PLCL2: variants seen among roughly 807,000 people sequenced by gnomAD.
The protein encoded by PLCL2 is inactive phospholipase C-like protein 2.
A neutral mutation model predicts 79.6 loss-of-function variants in PLCL2; 4 were observed. The observed-to-expected ratio is 0.05, with a 90% CI of 0.02 to 0.11. The LOEUF (loss-of-function observed/expected upper bound fraction) is 0.11. Ranked by LOEUF, PLCL2 falls within the 10% of genes least tolerant of loss-of-function variation. The pLI, the probability that PLCL2 is intolerant of heterozygous loss-of-function variation, is 1.00. For synonymous variants in PLCL2, 484 were observed against 457.7 expected, an observed-to-expected ratio of 1.06 and a Z score of -0.73; for missense variants, 895 against 1,291.0, an observed-to-expected ratio of 0.69 and a Z score of 4.70.
intron 4 of PLCL2, among the ~76,000 whole-genome samples, chr3:17,049,025 A>T (rs989773628): frequency 6.6e-6 from 1 of 152,000 alleles, no homozygotes; most frequent in Non-Finnish European, 1.5e-5. Flanking sequence ...TTCTAAAAAA[A>T]AAGAAAAGAA....
chr3:16,952,833 T>C (rs2063666623), intron 1 of PLCL2, among the ~76,000 whole-genome samples: 1 of 152,078 alleles, frequency 6.6e-6, no homozygotes, highest in Non-Finnish European at 1.5e-5. Context: ...ATAATTTCTT[T>C]TGTCTAGCTT....
chr3:16,938,972 C>G (rs1048635058), intron 1 of PLCL2, among the ~76,000 whole-genome samples: 1 of 152,180 alleles, frequency 6.6e-6, no homozygotes, highest in Non-Finnish European at 1.5e-5. Context: ...AACTTAACAG[C>G]TAGCTGTGTA....
intron 2 of PLCL2, among the ~76,000 whole-genome samples, chr3:17,013,751 A>G (rs1050294865): frequency 1.4e-4 from 21 of 152,220 alleles, no homozygotes; most frequent in African/African-American, 4.6e-4. Flanking sequence ...CCAGGACCCA[A>G]GTGTGCCTGA....
intron 1 of PLCL2, among the ~76,000 whole-genome samples, chr3:16,982,164 T>C (rs184072419): frequency 5.8e-4 from 89 of 152,356 alleles, no homozygotes; most frequent in Middle Eastern, 3.4e-3. Flanking sequence ...GGAGACACTT[T>C]GTAAATATCT....
At chr3:17,057,697 A>G (rs1476675510) in intron 4 of PLCL2, among the ~76,000 whole-genome samples, 5 of 152,220 alleles carry the variant, frequency 3.3e-5, no homozygotes, top group Non-Finnish European at 5.9e-5. Context: ...AACACCCCAT[A>G]TAATTTACTT....
chr3:16,915,308 T>C (rs1696968036), intron 1 of PLCL2, among the ~76,000 whole-genome samples: 1 of 152,218 alleles, frequency 6.6e-6, no homozygotes, highest in Admixed American at 6.5e-5. Context: ...TATTTATTTA[T>C]TTACCTTGCA....
chr3:16,967,733 G>C (rs944658259), intron 1 of PLCL2, among the ~76,000 whole-genome samples: 6 of 151,948 alleles, frequency 3.9e-5, no homozygotes. Flanking sequence ...TCTTTTGATA[G>C]TTTCTTTTCC....
chr3:16,938,978 G>T (rs1447021279), intron 1 of PLCL2, among the ~76,000 whole-genome samples: 1 of 152,240 alleles, frequency 6.6e-6, no homozygotes, highest in South Asian at 2.1e-4. Flanking sequence ...ACAGCTAGCT[G>T]TGTAGTTTCC....
rs960903746 is a variant in PLCL2 at position 16,886,068 on chromosome 3, A to G, written c.327+702A>G. ...GCAGTTTGCTTGGTTTTGCTTGCAC[A>G]GTGTTAGCGGAAGAAAGCCAGCGAT... On this transcript the variant is annotated intron_variant, in intron 1 of 5. Transcript: ENST00000615277. This position sits in a 1 kb window ranked among gnomAD's most constrained non-coding sequence, Gnocchi z 4.2. Among the ~76,000 whole-genome samples the G allele has an allele frequency of 6.6e-6, 1 of 152,198 alleles. No individual in the cohort carries two copies. The highest frequency in any genetic ancestry group is 1.5e-5 in the Non-Finnish European group (1 of 68,034).
chr3:17,022,946 G>A (rs1361384025), intron 3 of PLCL2, among the ~76,000 whole-genome samples: 2 of 152,078 alleles, frequency 1.3e-5, no homozygotes, highest in African/African-American at 4.8e-5. Flanking sequence ...AGCTCTTTAG[G>A]TAAAATGCTC....
At chr3:17,006,846 T>C (rs910727443) in intron 1 of PLCL2, among the ~76,000 whole-genome samples, 13 of 152,352 alleles carry the variant, frequency 8.5e-5, no homozygotes, top group African/African-American at 3.1e-4. Flanking sequence ...CATGTGTGTA[T>C]GTTATTAACT....
chr3:16,936,993 A>G (rs1028366909), intron 1 of PLCL2, among the ~76,000 whole-genome samples: 3 of 152,122 alleles, frequency 2.0e-5, no homozygotes, highest in South Asian at 4.1e-4. Context: ...CGTTTGTGTT[A>G]TAGGATGTTT....
intron 1 of PLCL2, among the ~76,000 whole-genome samples, chr3:16,930,737 T>C (rs1697373566): frequency 1.3e-5 from 2 of 152,202 alleles, no homozygotes; most frequent in African/African-American, 4.8e-5. Flanking sequence ...TCTTATGCTT[T>C]GTGGAGCTCT....
chr3:16,943,068 GCT>G (rs1324534028), intron 1 of PLCL2, among the ~76,000 whole-genome samples: 1 of 152,158 alleles, frequency 6.6e-6, no homozygotes, highest in East Asian at 1.9e-4. Flanking sequence ...CAGTTTCCTT[GCT>G]CTCTCTTTCA....
At chr3:16,937,313 G>C (rs577308892) in intron 1 of PLCL2, among the ~76,000 whole-genome samples, 280 of 152,266 alleles carry the variant, frequency 1.8e-3, no homozygotes, top group African/African-American at 6.4e-3. Flanking sequence ...AGCATTCCAA[G>C]GCACTAACTA....
chr3:17,042,804 C>T (rs1419075234), intron 3 of PLCL2, 70 bp from the exon 4 acceptor site: 1 of 1,061,856 alleles, frequency 9.4e-7, no homozygotes, highest in African/African-American at 1.6e-5. Context: ...AGGAGAAGAG[C>T]CTTGTGCATG....
At chr3:16,898,047 C>T (rs1345743979) in intron 1 of PLCL2, among the ~76,000 whole-genome samples, 1 of 152,054 alleles carries the variant, frequency 6.6e-6, no homozygotes, top group Non-Finnish European at 1.5e-5. Context: ...AAGCTTGTGC[C>T]CCTCACTTGT....
At chr3:16,912,130 C>A (rs181390359) in intron 1 of PLCL2, among the ~76,000 whole-genome samples, 1 of 152,152 alleles carries the variant, frequency 6.6e-6, no homozygotes, top group East Asian at 1.9e-4. Flanking sequence ...TATATGGATG[C>A]CTTGCCTCAT....
chr3:16,984,714 C>T (rs1435720743), intron 1 of PLCL2, among the ~76,000 whole-genome samples: 1 of 152,090 alleles, frequency 6.6e-6, no homozygotes, highest in Non-Finnish European at 1.5e-5. Flanking sequence ...AGGCAGATCA[C>T]GAGGTCAGGA....
Sources: gnomAD v4.1 joint callset for allele counts (sites outside exome capture counted in the v4.1 genomes callset) on GRCh38, gnomAD v4.1.1 for gene constraint, Gnocchi (gnomAD v3.1) non-coding constraint, MANE v1.5 for transcripts, NCBI Gene and HGNC (gene_info 2026-07-23, HGNC 2026-07-21) for gene names.